The following OR2T2 variants were observed in gnomAD, a reference collection of about 807,000 sequenced individuals.
OR2T2 encodes the protein olfactory receptor 2T2.
For synonymous variants in OR2T2, 50 were observed against 162.7 expected (o/e 0.31, Z 5.27); for missense variants, 138 against 409.1 (o/e 0.34, Z 5.72).
exon 3 of OR2T2, chr1:248,455,203 C>T (rs1194320174): frequency 2.4e-4 from 34 of 140,002 alleles, no homozygotes; most frequent in Admixed American, 7.2e-5. Flanking sequence ...TGATACGAGG[C>T]TTAGAAAACA....
At chr1:248,449,216 G>C (rs1420958016) in intron 2 of OR2T2, 11 of 151,754 alleles carry the variant, frequency 7.2e-5, no homozygotes, top group African/African-American at 2.7e-4. Flanking sequence ...GTTGTGTCAA[G>C]TGGAGAAGAT....
In OR2T2 at chr1:248,446,817, T is replaced by C. The variant is rs1292613589; in HGVS notation, c.-23+6T>C. 6.7e-6 allele frequency: 1 copy of C among 148,902 alleles called. No homozygotes were observed. Among genetic ancestry groups the C allele is most frequent in the Non-Finnish European group, 1.5e-5 (1 of 67,978 alleles). The allele number at this position is 148,902 out of a possible 1,614,324, so 9.2% of individuals were successfully genotyped here. A position where few individuals can be genotyped will look rare whatever the true frequency, so the allele number is the denominator to read the frequency against. On this transcript the variant is annotated splice_donor_region_variant and intron_variant, in intron 2 of 2. Coordinates refer to ENST00000642130, the Ensembl canonical transcript of OR2T2. The stretch of plus-strand genomic sequence containing the variant: ...TCCTTGACAATGTAGTTTAGGTAAG[T>C]TGGCATGTAGCATTAAAACCTGTAT...
intron 1 of OR2T2, among the ~76,000 whole-genome samples, chr1:248,446,102 A>G (rs904598417): frequency 6.9e-6 from 1 of 145,488 alleles, no homozygotes; most frequent in African/African-American, 2.8e-5. Flanking sequence ...TTAAATGATT[A>G]ATTGCTCCGT....
chr1:248,453,093 C>T (rs1572912182), exon 3 of OR2T2: 2 of 1,613,150 alleles, frequency 1.2e-6, no homozygotes, highest in East Asian at 2.2e-5. Context: ...CTGGGCTGTG[C>T]AGTTCAGATC....
chr1:248,447,638 A>T (rs1464771989), intron 2 of OR2T2, among the ~76,000 whole-genome samples: 2 of 151,364 alleles, frequency 1.3e-5, no homozygotes, highest in Non-Finnish European at 2.9e-5. Context: ...CGAGTTTCGG[A>T]ATCAGACCGG....
chr1:248,445,719 G>A (rs1311830874), intron 1 of OR2T2, 50 bp downstream of exon 1: 5 of 152,166 alleles, frequency 3.3e-5, no homozygotes, highest in South Asian at 2.1e-4. Context: ...CAGATACTGG[G>A]ATGTTTTCTT....
At chr1:248,450,040 CTGA>C (rs1172861969) in intron 2 of OR2T2, among the ~76,000 whole-genome samples, 1,629 of 148,376 alleles carry the variant, frequency 0.011, 6 homozygotes, top group African/African-American at 0.04. Flanking sequence ...ACAGAAGTAA[CTGA>C]TGACATGTTT....
In OR2T2 at chr1:248,453,898, T is replaced by C; in HGVS notation, c.*126T>C. On this transcript the variant is annotated 3_prime_UTR_variant, in exon 3 of 3. Transcript: ENST00000642130. Reference sequence around the variant, plus strand: ...GGACTAGCGCAAACATCTGCGGTGCTGCGGCCAATAACGCAGCTATTACAG... The same window carrying C: ...GGACTAGCGCAAACATCTGCGGTGCCGCGGCCAATAACGCAGCTATTACAG... 3 of 1,351,920 alleles carry C rather than the reference T, an allele frequency of 2.2e-6. 1 individual carries two copies. The highest frequency in any genetic ancestry group is 3.1e-6 in the Non-Finnish European group (3 of 971,120). The allele number at this position is 1,351,920 out of a possible 1,614,324, so 83.7% of individuals were successfully genotyped here.
exon 3 of OR2T2, chr1:248,455,149 G>A (rs1365805498): frequency 4.8e-4 from 72 of 150,084 alleles, no homozygotes; most frequent in Non-Finnish European, 9.4e-4. Flanking sequence ...CCTGAAATAT[G>A]AGACATAAAA....
chr1:248,450,327 C>T (rs1329170434), intron 2 of OR2T2, among the ~76,000 whole-genome samples: 1 of 141,012 alleles, frequency 7.1e-6, no homozygotes, highest in East Asian at 2.1e-4. Flanking sequence ...ACACACAACG[C>T]TCACACTCAC....
rs202061245 is a variant in OR2T2, at chr1:248,449,834, T to C, written c.-22-2942T>C. On this transcript the variant is annotated intron_variant, in intron 2 of 2. Coordinates refer to ENST00000642130, the Ensembl canonical transcript of OR2T2. ...TCTTTTTCTTTTTCTTTTTCTTTTT[T>C]TTTTTTTTTGGAAAGACTAGTTGAT... is the stretch of plus-strand genomic sequence containing the variant. 1.4e-3 allele frequency among the ~76,000 whole-genome samples: 126 copies of C among 93,286 alleles called. 6 individuals carry two copies. Among genetic ancestry groups the C allele is most frequent in the South Asian group, 4.2e-3 (12 of 2,830 alleles). 61.2% of individuals were successfully genotyped at this position (93,286 alleles called of 152,430 possible).
chr1:248,446,366 T>C (rs1220887044), intron 1 of OR2T2, among the ~76,000 whole-genome samples: 1 of 145,024 alleles, frequency 6.9e-6, no homozygotes, highest in Non-Finnish European at 1.5e-5. Flanking sequence ...TGTAGGGGTA[T>C]AATAATGAGT....
At chr1:248,448,188 TCTTGA>T (rs1189352608) in intron 2 of OR2T2, among the ~76,000 whole-genome samples, 4 of 149,928 alleles carry the variant, frequency 2.7e-5, no homozygotes, top group Non-Finnish European at 5.9e-5. Context: ...AGGTGAAAGT[TCTTGA>T]CTTAAGGAGA....
Position 248,449,912 on chromosome 1 carries a change from T to C in OR2T2, c.-22-2864T>C, listed in dbSNP as rs144082902. Among the ~76,000 whole-genome samples, 1,127 of 134,914 alleles carry C rather than the reference T, an allele frequency of 8.4e-3. 15 individuals are homozygous for C. Among genetic ancestry groups the C allele is most frequent in the African/African-American group, 0.037 (1,059 of 28,668 alleles). The allele number at this position is 134,914 out of a possible 152,430, so 88.5% of individuals were successfully genotyped here. ...GAGAATGATGATAGTGAGGGAAAGA[T>C]GACCTGATGGGGAATGGAATCTAGG... On this transcript the variant is annotated intron_variant, in intron 2 of 2. Coordinates refer to ENST00000642130, the Ensembl canonical transcript of OR2T2.
chr1:248,452,902 C>A (rs528774471), exon 3 of OR2T2: 1 of 1,614,290 alleles, frequency 6.2e-7, no homozygotes, highest in African/African-American at 1.3e-5. Context: ...TCTTCTCCAT[C>A]TTTGTGGTGG....
intron 2 of OR2T2, among the ~76,000 whole-genome samples, chr1:248,450,241 C>T (rs796373044): frequency 9.9e-4 from 145 of 147,178 alleles, no homozygotes; most frequent in African/African-American, 3.7e-3. Context: ...TACACATATC[C>T]CCACCCACTC....
chr1:248,446,001 T>C (rs1465587157), intron 1 of OR2T2, among the ~76,000 whole-genome samples: 1 of 145,240 alleles, frequency 6.9e-6, no homozygotes, highest in East Asian at 1.9e-4. Context: ...TGAGAAAGTT[T>C]CAGAATTAAT....
intron 2 of OR2T2, among the ~76,000 whole-genome samples, chr1:248,449,803 GCTTTTTCTTTTT>G (rs201311654): frequency 2.9e-4 from 31 of 106,112 alleles, no homozygotes; most frequent in East Asian, 2.7e-3. Context: ...GCAAATAAAA[GCTTTTTCTTTTT>G]CTTTTTCTTT....
intron 2 of OR2T2, among the ~76,000 whole-genome samples, chr1:248,450,065 C>T (rs1335498154): frequency 6.7e-6 from 1 of 149,248 alleles, no homozygotes; most frequent in South Asian, 2.1e-4. Flanking sequence ...GTCCATAATG[C>T]AGATATTTTC....
Sources: allele counts gnomAD v4.1 joint callset (sites outside exome capture counted in the v4.1 genomes callset), GRCh38; gene constraint gnomAD v4.1.1; transcripts MANE v1.5; gene names NCBI Gene and HGNC (gene_info 2026-07-23, HGNC 2026-07-21).